CTNNA3: variants seen among roughly 807,000 people sequenced by gnomAD.
CTNNA3 encodes catenin alpha 3, also known as catenin alpha-3.
A neutral mutation model predicts 95.7 loss-of-function variants in CTNNA3; 76 were observed. That is an observed-to-expected ratio of 0.79 (90% CI 0.66 to 0.96). The LOEUF (loss-of-function observed/expected upper bound fraction) is 0.96, where lower values mean the gene tolerates loss of function less well. Among genes scored for constraint, CTNNA3 ranks in the 40% least tolerant of loss-of-function variants. CTNNA3 has a pLI of 0.00. For missense variants in CTNNA3, 1,191 were observed against 1,089.8 expected, an observed-to-expected ratio of 1.09 and a Z score of -1.31; for synonymous variants, 431 against 374.4, an observed-to-expected ratio of 1.15 and a Z score of -1.74.
intron 7 of CTNNA3, among the ~76,000 whole-genome samples, chr10:66,964,874 C>G (rs547936815): frequency 6.6e-6 from 1 of 152,216 alleles, no homozygotes; most frequent in East Asian, 1.9e-4. Context: ...AGTCACAACT[C>G]AAAATTAAAC....
At chr10:66,093,469 T>G (rs549686348) in intron 14 of CTNNA3, among the ~76,000 whole-genome samples, 64 of 152,052 alleles carry the variant, frequency 4.2e-4, no homozygotes, top group South Asian at 8.3e-4. Flanking sequence ...GAAGAACTTT[T>G]GAAAGGAAGT....
At chr10:66,197,606 T>C (rs2087049748) in intron 13 of CTNNA3, among the ~76,000 whole-genome samples, 2 of 152,094 alleles carry the variant, frequency 1.3e-5, no homozygotes, top group Non-Finnish European at 2.9e-5. Flanking sequence ...GTAATATAAA[T>C]CAATATGTGG....
chr10:66,320,930 C>T (rs933346057), intron 12 of CTNNA3, among the ~76,000 whole-genome samples: 19 of 152,104 alleles, frequency 1.2e-4, no homozygotes, highest in Admixed American at 8.5e-4. Context: ...AAAATTTTGG[C>T]CTTTAAAAAT....
chr10:67,256,470 C>T (rs1428761710), intron 5 of CTNNA3, among the ~76,000 whole-genome samples: 1 of 152,120 alleles, frequency 6.6e-6, no homozygotes. Flanking sequence ...ATAAAAACCA[C>T]ATCGCTTCAG....
intron 7 of CTNNA3, among the ~76,000 whole-genome samples, chr10:66,785,652 G>A (rs1307578040): frequency 7.2e-5 from 11 of 152,038 alleles, no homozygotes; most frequent in African/African-American, 2.7e-4. Context: ...CCTCAGATGG[G>A]GACTGAATTA....
chr10:66,765,036 A>C (rs991280881), intron 9 of CTNNA3, among the ~76,000 whole-genome samples: 9 of 152,168 alleles, frequency 5.9e-5, no homozygotes, highest in Middle Eastern at 3.2e-3. Flanking sequence ...TATCTAACAG[A>C]GTTCTTGGGA....
chr10:66,533,338 T>C (rs906832067), intron 10 of CTNNA3, among the ~76,000 whole-genome samples: 5 of 152,120 alleles, frequency 3.3e-5, no homozygotes, highest in African/African-American at 1.2e-4. Context: ...TTATTAAATC[T>C]AGGTCAGTTT....
intron 5 of CTNNA3, among the ~76,000 whole-genome samples, chr10:67,361,565 T>C (rs1842992478): frequency 6.6e-6 from 1 of 152,062 alleles, no homozygotes; most frequent in African/African-American, 2.4e-5. Context: ...AGAAAATTAT[T>C]TGAAATTAAT....
chr10:67,583,370 A>C (rs1842486606), intron 3 of CTNNA3, among the ~76,000 whole-genome samples: 1 of 152,166 alleles, frequency 6.6e-6, no homozygotes, highest in South Asian at 2.1e-4. Context: ...TTTCTTTAAG[A>C]ATGTTGAATA....
chr10:66,425,265 A>G (rs1014287532), intron 11 of CTNNA3, among the ~76,000 whole-genome samples: 1 of 151,770 alleles, frequency 6.6e-6, no homozygotes, highest in African/African-American at 2.4e-5. Flanking sequence ...AGTTTTTTTA[A>G]TCTAATATAA....
At chr10:67,030,506 A>T (rs542920527) in intron 7 of CTNNA3, among the ~76,000 whole-genome samples, 2 of 152,152 alleles carry the variant, frequency 1.3e-5, no homozygotes, top group South Asian at 4.1e-4. Context: ...AAATATATAA[A>T]TACATAAATT....
intron 11 of CTNNA3, among the ~76,000 whole-genome samples, chr10:66,515,098 G>T (rs78279947): frequency 6.6e-6 from 1 of 151,614 alleles, no homozygotes; most frequent in Non-Finnish European, 1.5e-5. Context: ...CTTCCTCTGT[G>T]GTAATAACAA....
In CTNNA3 at chr10:65,917,159, GC is replaced by G. The variant is rs1311265985; in HGVS notation, c.*3170del. The G allele has an allele frequency of 6.6e-6, 1 of 152,012 alleles. No individual in the cohort carries two copies. Among genetic ancestry groups the G allele is most frequent in the East Asian group, 1.9e-4 (1 of 5,174 alleles). The allele number at this position is 152,012 out of a possible 1,614,324, so 9.4% of individuals were successfully genotyped here. A position where few individuals can be genotyped will look rare whatever the true frequency, so the allele number is the denominator to read the frequency against. ...GATCTTATGTTAAAAGATTTCAAAG[GC>G]CAGAAGGCACACTTGTGAATGTGAA... On this transcript the variant is annotated 3_prime_UTR_variant, in exon 18 of 18. Transcript: ENST00000433211.
chr10:67,734,932 A>G (rs1841294043), intron 1 of CTNNA3, among the ~76,000 whole-genome samples: 1 of 152,168 alleles, frequency 6.6e-6, no homozygotes. Flanking sequence ...GATTATACAT[A>G]CATATATCAA....
chr10:66,699,505 T>C (rs1052850030), intron 9 of CTNNA3, among the ~76,000 whole-genome samples: 3 of 152,158 alleles, frequency 2.0e-5, no homozygotes, highest in African/African-American at 7.2e-5. Flanking sequence ...CCTTTTCATA[T>C]ACCCGTTGGC....
intron 11 of CTNNA3, among the ~76,000 whole-genome samples, chr10:66,391,867 A>G (rs2092936091): frequency 6.6e-6 from 1 of 151,952 alleles, no homozygotes; most frequent in Non-Finnish European, 1.5e-5. Context: ...GTACACCTTG[A>G]CTTGGAAGCT....
At position 67,074,034 on chromosome 10, in the gene CTNNA3, C is replaced by CTTTTTTTTTTTT. The variant is rs35411851; in HGVS notation, c.1047+106271_1047+106282dup. ...ATAATGCCAAGTAGCCATTTTAACT[C>CTTTTTTTTTTTT]TTTTTTTTTTTTTTTTTTTTGAGAC... On this transcript the variant is annotated intron_variant, in intron 7 of 17. Transcript: ENST00000433211. Among the ~76,000 whole-genome samples the CTTTTTTTTTTTT allele has an allele frequency of 1.8e-5, 2 of 109,436 alleles. 1 individual carries two copies. Among genetic ancestry groups the CTTTTTTTTTTTT allele is most frequent in the Non-Finnish European group, 3.5e-5 (2 of 56,792 alleles). The allele number at this position is 109,436 out of a possible 152,430, so 71.8% of individuals were successfully genotyped here. A position where few individuals can be genotyped will look rare whatever the true frequency, so the allele number is the denominator to read the frequency against.
chr10:67,146,374 T>G (rs1860842291), intron 7 of CTNNA3, among the ~76,000 whole-genome samples: 1 of 152,220 alleles, frequency 6.6e-6, no homozygotes, highest in Admixed American at 6.5e-5. Context: ...TACCTCTGCC[T>G]CTAGGAGAGT....
intron 7 of CTNNA3, among the ~76,000 whole-genome samples, chr10:67,148,701 T>C (rs2132060288): frequency 6.6e-6 from 1 of 152,316 alleles, no homozygotes; most frequent in Non-Finnish European, 1.5e-5. Context: ...TTCTTACATG[T>C]GGGAGCAAAT....
Sources: gnomAD v4.1 joint callset for allele counts (sites outside exome capture counted in the v4.1 genomes callset) on GRCh38, gnomAD v4.1.1 for gene constraint, MANE v1.5 for transcripts, NCBI Gene and HGNC (gene_info 2026-07-23, HGNC 2026-07-21) for gene names.